The following MTO1 variants were observed in gnomAD, a reference collection of about 807,000 sequenced individuals.
MTO1 encodes the protein mitochondrial tRNA translation optimization 1, also known as 5-taurinomethyluridine-[tRNA] synthase subunit MTO1, mitochondrial.
A neutral mutation model predicts 71.6 loss-of-function variants in MTO1; 46 were observed. The ratio of observed to expected loss-of-function variants is 0.64; its 90% CI spans 0.51 to 0.82. The LOEUF (loss-of-function observed/expected upper bound fraction) is 0.82. Among genes scored for constraint, MTO1 ranks in the 40% least tolerant of loss-of-function variants. The probability of loss-of-function intolerance (pLI) is 0.00; values close to 1 mark genes in which losing one functional copy is unlikely to be tolerated. For missense variants in MTO1, 773 were observed against 867.5 expected (o/e 0.89, Z 1.37); for synonymous variants, 297 against 312.1 (o/e 0.95, Z 0.51).
chr6:73,476,628 TTTATTC>T (rs1256743449), intron 4 of MTO1, among the ~76,000 whole-genome samples: 1 of 151,992 alleles, frequency 6.6e-6, no homozygotes, highest in Non-Finnish European at 1.5e-5. Flanking sequence ...AATATACACA[TTTATTC>T]TTATTCTTTT....
intron 1 of MTO1, among the ~76,000 whole-genome samples, chr6:73,465,932 C>T (rs1428122906): frequency 1.3e-5 from 2 of 151,970 alleles, no homozygotes; most frequent in Non-Finnish European, 2.9e-5. Context: ...TGCAGTGAGC[C>T]GAGATTGTAC....
intron 9 of MTO1, among the ~76,000 whole-genome samples, chr6:73,486,335 C>G (rs1022319581): frequency 6.6e-6 from 1 of 152,132 alleles, no homozygotes; most frequent in Non-Finnish European, 1.5e-5. Context: ...ACTTTTTCAT[C>G]TTGCAAAACT....
rs536814108 is a variant in MTO1 at position 73,470,453 on chromosome 6, A to G, written c.536-2912A>G. Among the ~76,000 whole-genome samples, 64 of 152,012 alleles carry G rather than the reference A, an allele frequency of 4.2e-4. No homozygotes were observed. In the East Asian group the frequency reaches 0.011, roughly 26 times the overall value. On this transcript the variant is annotated intron_variant, in intron 3 of 11. Coordinates refer to ENST00000498286, the MANE Select transcript of MTO1 (RefSeq NM_012123.4). The stretch of plus-strand genomic sequence containing the variant: ...GATCTCCTGACCTTGTGGTCCGCCC[A>G]CCTCGGCCTCCCAAAGTGCTGGGAT...
chr6:73,464,587 C>T (rs543557764), intron 1 of MTO1, among the ~76,000 whole-genome samples: 1 of 151,234 alleles, frequency 6.6e-6, no homozygotes, highest in Non-Finnish European at 1.5e-5. Flanking sequence ...CGAGACCAGC[C>T]TGACCAACAT....
chr6:73,475,442 C>T (rs1464435301), intron 4 of MTO1, among the ~76,000 whole-genome samples: 1 of 151,958 alleles, frequency 6.6e-6, no homozygotes, highest in Non-Finnish European at 1.5e-5. Context: ...GCCGCCATGC[C>T]CAGCTAATTT....
intron 11 of MTO1, among the ~76,000 whole-genome samples, chr6:73,499,392 T>C (rs1159469103): frequency 6.6e-6 from 1 of 151,846 alleles, no homozygotes; most frequent in Non-Finnish European, 1.5e-5. Context: ...TGCAGTGGCA[T>C]GCACCTATAG....
intron 9 of MTO1, among the ~76,000 whole-genome samples, chr6:73,488,307 A>G (rs1422801792): frequency 6.6e-6 from 1 of 151,990 alleles, no homozygotes; most frequent in African/African-American, 2.4e-5. Context: ...CCAAGTAGCT[A>G]GGACCACAGG....
chr6:73,476,018 G>C (rs567622930), intron 4 of MTO1, among the ~76,000 whole-genome samples: 1 of 152,174 alleles, frequency 6.6e-6, no homozygotes, highest in African/African-American at 2.4e-5. Context: ...ACCTGCTTCT[G>C]GGGTGGGATT....
At chr6:73,463,780 G>C (rs979642233) in intron 1 of MTO1, among the ~76,000 whole-genome samples, 5 of 151,762 alleles carry the variant, frequency 3.3e-5, no homozygotes. Context: ...TGCTGTTGTT[G>C]ACCAGGCTAG....
intron 3 of MTO1, among the ~76,000 whole-genome samples, chr6:73,472,466 A>T (rs1484553404): frequency 6.6e-6 from 1 of 152,170 alleles, no homozygotes; most frequent in Non-Finnish European, 1.5e-5. Flanking sequence ...GTACATGTGA[A>T]TTGGTGATAA....
intron 10 of MTO1, among the ~76,000 whole-genome samples, chr6:73,496,763 A>C (rs1343484299): frequency 6.6e-6 from 1 of 151,876 alleles, no homozygotes; most frequent in Admixed American, 6.6e-5. Context: ...TTAGAGAAGT[A>C]GCTTATCTCA....
In MTO1 at chr6:73,481,340, G is replaced by A. The variant is rs1026713588; in HGVS notation, c.1260+535G>A. Among the ~76,000 whole-genome samples, 3 of 152,236 alleles carry A rather than the reference G, an allele frequency of 2.0e-5. No homozygotes were observed. The South Asian group carries it at 6.2e-4, about 32-fold the overall frequency. ...CATATTTTGATTAGATGTATTGCTTGTGAAGTTTAAAATTTATTTTAATAT... is the reference window on the plus strand; with the variant it reads ...CATATTTTGATTAGATGTATTGCTTATGAAGTTTAAAATTTATTTTAATAT... On this transcript the variant is annotated intron_variant, in intron 7 of 11. Coordinates refer to ENST00000498286, the MANE Select transcript of MTO1 (RefSeq NM_012123.4).
chr6:73,497,708 A>G (rs1191627022), intron 10 of MTO1, 28 bp from the exon 11 acceptor site: 10 of 1,601,840 alleles, frequency 6.2e-6, no homozygotes, highest in Middle Eastern at 3.3e-4. Context: ...TCTGGGTATT[A>G]TAACATGATT....
In MTO1 at chr6:73,482,805, T is replaced by TC. The variant is rs1326803643; in HGVS notation, c.1637+185_1637+186insC. On this transcript the variant is annotated intron_variant, in intron 9 of 11. Coordinates refer to ENST00000498286, the MANE Select transcript of MTO1 (RefSeq NM_012123.4). ...TTTTTCTTTCTTTTTTTTTTTTTTT[T>TC]TTTTTTGAGACAGTCTCGCTCTTTC... 2.8e-5 allele frequency among the ~76,000 whole-genome samples: 4 copies of TC among 144,394 alleles called. No homozygotes were observed. In the Admixed American group the frequency reaches 2.8e-4, roughly 10 times the overall value. The allele number at this position is 144,394 out of a possible 152,430, so 94.7% of individuals were successfully genotyped here. A position where few individuals can be genotyped will look rare whatever the true frequency, so the allele number is the denominator to read the frequency against.
intron 10 of MTO1, among the ~76,000 whole-genome samples, chr6:73,494,439 A>G (rs1771924123): frequency 6.6e-6 from 1 of 151,698 alleles, no homozygotes; most frequent in Admixed American, 6.6e-5. Context: ...AATGGTGATC[A>G]TGCTGCATTC....
rs12526844 is a variant in MTO1 at position 73,482,699 on chromosome 6, T to G, written c.1637+79T>G. ...AAGATCATTTCATAGAGACATTACC[T>G]ATGTGTTCCTACCTACACATTTCAA... On this transcript the variant is annotated intron_variant, in intron 9 of 11. Coordinates refer to ENST00000498286, the MANE Select transcript of MTO1 (RefSeq NM_012123.4). 0.17 allele frequency: 212,004 copies of G among 1,225,648 alleles called. 18,971 individuals are homozygous for G. The highest frequency in any genetic ancestry group is 0.21 in the East Asian group (8,714 of 42,172). 75.9% of individuals were successfully genotyped at this position (1,225,648 alleles called of 1,614,324 possible).
At chr6:73,496,578 C>T (rs1429930540) in intron 10 of MTO1, among the ~76,000 whole-genome samples, 1 of 150,694 alleles carries the variant, frequency 6.6e-6, no homozygotes, top group Non-Finnish European at 1.5e-5. Context: ...TGGTGTGCTG[C>T]ACCCATTAAC....
intron 1 of MTO1, among the ~76,000 whole-genome samples, chr6:73,462,920 C>T (rs1178161862): frequency 1.3e-5 from 2 of 152,050 alleles, no homozygotes; most frequent in African/African-American, 2.4e-5. Context: ...CTGCCTCTGC[C>T]TAACCAGTAG....
At chr6:73,496,313 A>C (rs1393043836) in intron 10 of MTO1, among the ~76,000 whole-genome samples, 2 of 152,200 alleles carry the variant, frequency 1.3e-5, no homozygotes, top group Non-Finnish European at 2.9e-5. Flanking sequence ...TTCTAAGAGC[A>C]GAATGCTTTA....
Sources: gnomAD v4.1 joint callset for allele counts (sites outside exome capture counted in the v4.1 genomes callset) on GRCh38, gnomAD v4.1.1 for gene constraint, MANE v1.5 for transcripts, NCBI Gene and HGNC (gene_info 2026-07-23, HGNC 2026-07-21) for gene names.